Variants in AGAP1 observed in about 807,000 individuals in gnomAD.
AGAP1 encodes the protein ArfGAP with GTPase domain, ankyrin repeat and PH domain 1.
AGAP1 carries 29 observed loss-of-function variants against 105.3 expected under a neutral mutation model. The ratio of observed to expected loss-of-function variants is 0.28; its 90% CI spans 0.21 to 0.38. AGAP1 has a LOEUF of 0.38. Among genes scored for constraint, AGAP1 ranks in the 10% least tolerant of loss-of-function variants. AGAP1 has a pLI of 1.00. For synonymous variants in AGAP1, 509 were observed against 485.9 expected (o/e 1.05, Z -0.63); for missense variants, 998 against 1,165.1 (o/e 0.86, Z 2.09).
rs1250947005 is a variant in AGAP1, at chr2:235,967,970, GA to G, written c.1484-490del. ...TTTTTCACTGATAATAAAACAAGATGAAGTTATAGTCATCTGTAATATTGAG... is the reference window on the plus strand; with the variant it reads ...TTTTTCACTGATAATAAAACAAGATGAGTTATAGTCATCTGTAATATTGAG... On this transcript the variant is annotated intron_variant, in intron 12 of 17. Coordinates refer to ENST00000304032, the MANE Select transcript of AGAP1 (RefSeq NM_001037131.3). The surrounding 1 kb of genome is among the most constrained non-coding windows in gnomAD (Gnocchi z 4.7). Among the ~76,000 whole-genome samples, 1 of 152,192 alleles carries G rather than the reference GA, an allele frequency of 6.6e-6. No homozygotes were observed. The highest frequency in any genetic ancestry group is 2.4e-5 in the African/African-American group (1 of 41,446).
At chr2:235,796,559 C>A (rs1208081421) in intron 6 of AGAP1, among the ~76,000 whole-genome samples, 1 of 152,126 alleles carries the variant, frequency 6.6e-6, no homozygotes, top group Non-Finnish European at 1.5e-5. Flanking sequence ...TCTCTGTGAG[C>A]CATTTTTTAT....
At chr2:235,638,571 A>G (rs1242326494) in intron 1 of AGAP1, among the ~76,000 whole-genome samples, 1 of 152,242 alleles carries the variant, frequency 6.6e-6, no homozygotes, top group Non-Finnish European at 1.5e-5. Flanking sequence ...TGTATTTAAA[A>G]ACCCTCAAAA....
rs1197331706 is a variant in AGAP1 at position 235,728,432 on chromosome 2, ATGAT to A, written c.310+10792_310+10795del. 2.6e-5 allele frequency among the ~76,000 whole-genome samples: 4 copies of A among 152,240 alleles called. No homozygotes were observed. Among genetic ancestry groups the A allele is most frequent in the Non-Finnish European group, 2.9e-5 (2 of 68,024 alleles). On this transcript the variant is annotated intron_variant, in intron 3 of 17. Transcript: ENST00000304032. The surrounding 1 kb of genome is among the most constrained non-coding windows in gnomAD (Gnocchi z 4.3). ...ATGGCTTAAACTAACAAATTCATGA[ATGAT>A]TGACCCAGACCAGAAATGGAAACCT... is the stretch of plus-strand genomic sequence containing the variant.
At chr2:235,943,584 A>AG (rs2053362318) in intron 12 of AGAP1, among the ~76,000 whole-genome samples, 1 of 152,136 alleles carries the variant, frequency 6.6e-6, no homozygotes, top group Non-Finnish European at 1.5e-5. Flanking sequence ...TCCTGACCTA[A>AG]GGTGATCCAC....
intron 1 of AGAP1, among the ~76,000 whole-genome samples, chr2:235,607,659 G>A (rs995237826): frequency 1.3e-5 from 2 of 152,196 alleles, no homozygotes; most frequent in Non-Finnish European, 2.9e-5. Context: ...CACACAAGAG[G>A]ACAGCTTTGA....
At position 236,045,596 on chromosome 2, in the gene AGAP1, C is replaced by T. The variant is rs541195277; in HGVS notation, c.1892-3463C>T. Among the ~76,000 whole-genome samples the T allele has an allele frequency of 5.9e-5, 9 of 152,322 alleles. No individual in the cohort carries two copies. Among genetic ancestry groups the T allele is most frequent in the African/African-American group, 1.7e-4 (7 of 41,578 alleles). On this transcript the variant is annotated intron_variant, in intron 15 of 17. Coordinates refer to ENST00000304032, the MANE Select transcript of AGAP1 (RefSeq NM_001037131.3). The surrounding 1 kb of genome is among the most constrained non-coding windows in gnomAD (Gnocchi z 6.9). ...TGAGGGCCTGGAGAGCAGGCAGGGC[C>T]GCCCTGGGGCTGTGGGACCAGCGGG...
At chr2:235,987,463 T>C (rs1189059777) in intron 13 of AGAP1, among the ~76,000 whole-genome samples, 3 of 151,802 alleles carry the variant, frequency 2.0e-5, no homozygotes, top group African/African-American at 7.3e-5. Context: ...ACTGGATTCA[T>C]TGATTTTTTT....
At chr2:235,686,640 T>G (rs1459844337) in intron 1 of AGAP1, among the ~76,000 whole-genome samples, 728 of 48,660 alleles carry the variant, frequency 0.015, 27 homozygotes, top group African/African-American at 0.029. Context: ...TATATATATA[T>G]ATATAGATAT....
chr2:235,974,933 A>G (rs968863470), intron 13 of AGAP1, among the ~76,000 whole-genome samples: 1 of 152,240 alleles, frequency 6.6e-6, no homozygotes, highest in African/African-American at 2.4e-5. Context: ...GAGATAAGAC[A>G]TGCAAGAAAC....
rs1404040318 is a variant in AGAP1 at position 236,035,185 on chromosome 2, G to A, written c.1646-1376G>A. Among the ~76,000 whole-genome samples the A allele has an allele frequency of 1.3e-5, 2 of 152,204 alleles. No homozygotes were observed. Among genetic ancestry groups the A allele is most frequent in the Non-Finnish European group, 2.9e-5 (2 of 68,028 alleles). ...GAGCCAGCCCAATGGCCACGGGCTG[G>A]TGACAGAGATAAGTAAAGTGGTTGG... On this transcript the variant is annotated intron_variant, in intron 13 of 17. Coordinates refer to ENST00000304032, the MANE Select transcript of AGAP1 (RefSeq NM_001037131.3). This position sits in a 1 kb window ranked among gnomAD's most constrained non-coding sequence, Gnocchi z 4.2.
At chr2:235,539,745 A>G (rs1272242656) in intron 1 of AGAP1, among the ~76,000 whole-genome samples, 1 of 152,208 alleles carries the variant, frequency 6.6e-6, no homozygotes, top group East Asian at 1.9e-4. Context: ...ACGCTTCGGT[A>G]AGGGGTTGCT....
In AGAP1 at chr2:235,845,016, C is replaced by T. The variant is rs1305291231; in HGVS notation, c.1050+37685C>T. Among the ~76,000 whole-genome samples, 1 of 152,188 alleles carries T rather than the reference C, an allele frequency of 6.6e-6. No individual in the cohort carries two copies. Among genetic ancestry groups the T allele is most frequent in the African/African-American group, 2.4e-5 (1 of 41,440 alleles). ...AATTATAGTTTGCTGTTCCTTGTCC[C>T]CAGGACCTAGTGGGGTCCCGGCCCA... On this transcript the variant is annotated intron_variant, in intron 9 of 17. Transcript: ENST00000304032. This position sits in a 1 kb window ranked among gnomAD's most constrained non-coding sequence, Gnocchi z 4.8.
chr2:235,617,561 G>C (rs749236374), intron 1 of AGAP1, among the ~76,000 whole-genome samples: 4 of 152,116 alleles, frequency 2.6e-5, no homozygotes, highest in Non-Finnish European at 4.4e-5. Context: ...AATTAGCCAA[G>C]TATGTTGGTG....
At chr2:235,775,147 A>T (rs967825088) in intron 6 of AGAP1, among the ~76,000 whole-genome samples, 1 of 152,144 alleles carries the variant, frequency 6.6e-6, no homozygotes, top group African/African-American at 2.4e-5. Flanking sequence ...GTGAGTGGGG[A>T]CAGAGCCCAC....
At chr2:236,117,277 T>C (rs2059794015) in intron 16 of AGAP1, among the ~76,000 whole-genome samples, 1 of 152,226 alleles carries the variant, frequency 6.6e-6, no homozygotes, top group Non-Finnish European at 1.5e-5. Flanking sequence ...TTTTAGATTT[T>C]TTGATTATGG....
intron 16 of AGAP1, among the ~76,000 whole-genome samples, chr2:236,081,416 C>G (rs2058779556): frequency 6.6e-6 from 1 of 152,208 alleles, no homozygotes; most frequent in Admixed American, 6.5e-5. Context: ...TTTGGACGGA[C>G]ACTTTGTGTG....
intron 1 of AGAP1, chr2:235,669,793 G>T (rs1948275035): frequency 6.8e-6 from 1 of 147,942 alleles, no homozygotes; most frequent in African/African-American, 2.4e-5. Flanking sequence ...GGGCGCCGCC[G>T]CCTGCCCTGG....
intron 13 of AGAP1, among the ~76,000 whole-genome samples, chr2:235,998,639 C>T (rs139201461): frequency 8.2e-5 from 12 of 145,540 alleles, no homozygotes; most frequent in African/African-American, 2.4e-4. Flanking sequence ...GGGATGGTGA[C>T]GGTGATGATG....
intron 1 of AGAP1, among the ~76,000 whole-genome samples, chr2:235,568,022 G>C (rs1381001752): frequency 6.6e-6 from 1 of 152,108 alleles, no homozygotes; most frequent in Admixed American, 6.5e-5. Context: ...CCTCTGGGAG[G>C]TTGTGTGGGC....
Sources: gnomAD v4.1 joint callset for allele counts (sites outside exome capture counted in the v4.1 genomes callset) on GRCh38, gnomAD v4.1.1 for gene constraint, Gnocchi (gnomAD v3.1) non-coding constraint, MANE v1.5 for transcripts, NCBI Gene and HGNC (gene_info 2026-07-23, HGNC 2026-07-21) for gene names.